The following PLEKHG1 variants were observed in gnomAD, a reference collection of about 807,000 sequenced individuals.
The protein encoded by PLEKHG1 is pleckstrin homology domain-containing family G member 1.
PLEKHG1 carries 44 observed loss-of-function variants against 100.8 expected under a neutral mutation model. The observed-to-expected ratio is 0.44, with a 90% CI of 0.34 to 0.56. PLEKHG1 has a LOEUF of 0.56. Ranked by LOEUF, PLEKHG1 falls within the 20% of genes least tolerant of loss-of-function variation. The pLI, the probability that PLEKHG1 is intolerant of heterozygous loss-of-function variation, is 0.01. For synonymous variants in PLEKHG1, 640 were observed against 662.5 expected (o/e 0.97, Z 0.52); for missense variants, 1,545 against 1,720.9 (o/e 0.90, Z 1.81).
rs139289374 is a variant in PLEKHG1 at position 150,747,224 on chromosome 6, C to T, written c.411+13132C>T. Among the ~76,000 whole-genome samples, 257 of 152,318 alleles carry T rather than the reference C, an allele frequency of 1.7e-3. 10 individuals are homozygous for T. In the South Asian group the frequency reaches 0.04, roughly 24 times the overall value. ...AATTCAGAAAATTATCTTCTAAACA[C>T]ACCAGCCTTCAGTTGGGAGAAGTTT... On this transcript the variant is annotated intron_variant, in intron 2 of 15. Coordinates refer to ENST00000358517, the Ensembl canonical transcript of PLEKHG1.
intron 1 of PLEKHG1, among the ~76,000 whole-genome samples, chr6:150,630,025 G>A (rs985987184): frequency 1.3e-5 from 2 of 152,168 alleles, no homozygotes; most frequent in African/African-American, 4.8e-5. Flanking sequence ...GTGTGATGGA[G>A]GCCATAGACT....
chr6:150,645,202 T>C (rs555446870), intron 2 of PLEKHG1, among the ~76,000 whole-genome samples: 1 of 152,214 alleles, frequency 6.6e-6, no homozygotes, highest in South Asian at 2.1e-4. Flanking sequence ...GTAACAGAGG[T>C]GCATTGCAAA....
rs574868740 is a variant in PLEKHG1 at position 150,791,348 on chromosome 6, AG to A, written c.583-4505del. On this transcript the variant is annotated intron_variant, in intron 4 of 15. Transcript: ENST00000358517. The stretch of plus-strand genomic sequence containing the variant: ...GGAGGAATGGAGGGAACAGACTAGA[AG>A]GGAAAAGAATAGAGGTTCGGCTTCT... 5.3e-5 allele frequency among the ~76,000 whole-genome samples: 8 copies of A among 152,220 alleles called. No homozygotes were observed. In the South Asian group the frequency reaches 1.5e-3, roughly 28 times the overall value.
intron 3 of PLEKHG1, among the ~76,000 whole-genome samples, chr6:150,661,593 A>G (rs1000192867): frequency 1.3e-5 from 2 of 152,186 alleles, no homozygotes. Flanking sequence ...TGTTCTTCCC[A>G]TTGTTCCTGT....
intron 1 of PLEKHG1, among the ~76,000 whole-genome samples, chr6:150,611,701 A>G (rs902969159): frequency 6.6e-6 from 1 of 151,688 alleles, no homozygotes; most frequent in Non-Finnish European, 1.5e-5. Context: ...AGTCCCAGCT[A>G]CTTGGGAGGC....
chr6:150,835,985 G>A (rs1204294195), intron 15 of PLEKHG1, among the ~76,000 whole-genome samples: 1 of 152,210 alleles, frequency 6.6e-6, no homozygotes, highest in Non-Finnish European at 1.5e-5. Flanking sequence ...CTGTCTTCTT[G>A]CTTCTGCTTT....
chr6:150,728,321 C>A (rs1782061498), intron 1 of PLEKHG1, among the ~76,000 whole-genome samples: 1 of 152,270 alleles, frequency 6.6e-6, no homozygotes, highest in African/African-American at 2.4e-5. Flanking sequence ...GATGCCGGGG[C>A]AGTGGCTTAC....
chr6:150,733,765 C>T lies in PLEKHG1; in HGVS notation c.84C>T (p.Phe28=), dbSNP rs11970607. 1,352 of 1,614,140 alleles carry T rather than the reference C, an allele frequency of 8.4e-4. 12 individuals carry two copies. The African/African-American group carries it at 0.016, about 19-fold the overall frequency. Residue 28 remains phenylalanine, a synonymous_variant, in exon 2 of 16, where the codon TTC becomes TTT. Coordinates refer to ENST00000358517, the Ensembl canonical transcript of PLEKHG1. ...CTTCCCGCGACAGCCATGGTTCCTT[C>T]GGCAGCAGAATGACCTTAGTTTCAA... is the stretch of plus-strand genomic sequence containing the variant.
intron 3 of PLEKHG1, among the ~76,000 whole-genome samples, chr6:150,770,657 G>T (rs534729092): frequency 5.9e-5 from 9 of 152,240 alleles, no homozygotes; most frequent in African/African-American, 2.2e-4. Flanking sequence ...ATAGAGAAAG[G>T]GCATAGAAAC....
At position 150,774,531 on chromosome 6, in the gene PLEKHG1, A is replaced by ATTTTT. The variant is rs61521577; in HGVS notation, c.512+5817_512+5821dup. ...TCTATTTAGGCACTGATTAGTTTGAATTTTTTTTTTTTTTTTTTTTTTTTT... is the reference window on the plus strand; with the variant it reads ...TCTATTTAGGCACTGATTAGTTTGAATTTTTTTTTTTTTTTTTTTTTTTTTTTTTT... On this transcript the variant is annotated intron_variant, in intron 3 of 15. Transcript: ENST00000358517. Among the ~76,000 whole-genome samples the ATTTTT allele has an allele frequency of 1.4e-3, 118 of 87,128 alleles. 18 individuals carry two copies. Among genetic ancestry groups the ATTTTT allele is most frequent in the African/African-American group, 4.4e-3 (117 of 26,558 alleles). 57.2% of individuals were successfully genotyped at this position (87,128 alleles called of 152,430 possible).
intron 2 of PLEKHG1, among the ~76,000 whole-genome samples, chr6:150,740,642 G>C (rs1782807559): frequency 1.3e-5 from 2 of 152,100 alleles, no homozygotes; most frequent in African/African-American, 4.8e-5. Context: ...TTAAATGAAG[G>C]CTCGTTATGT....
At chr6:150,823,976 C>T (rs918299667) in intron 14 of PLEKHG1, among the ~76,000 whole-genome samples, 3 of 152,162 alleles carry the variant, frequency 2.0e-5, no homozygotes, top group East Asian at 3.8e-4. Flanking sequence ...AATACCTGCC[C>T]GGTGCTCACG....
chr6:150,825,413 C>T (rs1562555948), intron 14 of PLEKHG1, among the ~76,000 whole-genome samples: 1 of 150,860 alleles, frequency 6.6e-6, no homozygotes, highest in African/African-American at 2.4e-5. Flanking sequence ...CCCCTCTCTA[C>T]AAAAAAAAAG....
intron 3 of PLEKHG1, among the ~76,000 whole-genome samples, chr6:150,692,638 G>A (rs1342878847): frequency 6.6e-6 from 1 of 152,170 alleles, no homozygotes; most frequent in East Asian, 1.9e-4. Context: ...ATGAATATCA[G>A]AGGGAAAAAA....
exon 7 of PLEKHG1, chr6:150,804,644 G>T (rs763879697): frequency 6.2e-7 from 1 of 1,612,748 alleles, no homozygotes; most frequent in Non-Finnish European, 8.5e-7. Flanking sequence ...GACACAGAAG[G>T]CTATGATGTG....
At chr6:150,650,080 A>G (rs1357855517) in intron 2 of PLEKHG1, among the ~76,000 whole-genome samples, 1 of 149,364 alleles carries the variant, frequency 6.7e-6, no homozygotes, top group African/African-American at 2.5e-5. Flanking sequence ...AAAAGAAAGA[A>G]AAAAAAAACC....
intron 2 of PLEKHG1, among the ~76,000 whole-genome samples, chr6:150,736,026 C>CT (rs992374560): frequency 1.4e-4 from 22 of 152,136 alleles, no homozygotes; most frequent in Non-Finnish European, 2.6e-4. Flanking sequence ...GTGTTTTACA[C>CT]TAGGGGTTGG....
chr6:150,606,543 T>G (rs1399187063), intron 1 of PLEKHG1, among the ~76,000 whole-genome samples: 2 of 152,160 alleles, frequency 1.3e-5, no homozygotes, highest in African/African-American at 4.8e-5. Context: ...CCTCCCTGTT[T>G]AGAGAGTAAA....
chr6:150,608,428 G>C (rs1353850451), intron 1 of PLEKHG1, among the ~76,000 whole-genome samples: 1 of 152,150 alleles, frequency 6.6e-6, no homozygotes, highest in Non-Finnish European at 1.5e-5. Context: ...TCTAACTAGG[G>C]AGTGAACAGG....
Sources: gnomAD v4.1 joint callset for allele counts (sites outside exome capture counted in the v4.1 genomes callset) on GRCh38, gnomAD v4.1.1 for gene constraint, MANE v1.5 for transcripts, NCBI Gene and HGNC (gene_info 2026-07-23, HGNC 2026-07-21) for gene names.